Variants in NEDD4 observed in about 807,000 individuals in gnomAD.
NEDD4 encodes NEDD4 E3 ubiquitin protein ligase, also known as E3 ubiquitin-protein ligase NEDD4.
In NEDD4, 99 loss-of-function variants were observed where a neutral mutation model predicts 144.9. That is an observed-to-expected ratio of 0.68 (90% CI 0.58 to 0.81). The LOEUF is 0.81. Among genes scored for constraint, NEDD4 ranks in the 30% least tolerant of loss-of-function variants. The pLI is 0.00. For missense variants in NEDD4, 985 were observed against 1,065.9 expected (o/e 0.92, Z 1.06); for synonymous variants, 318 against 350.6 (o/e 0.91, Z 1.04).
At chr15:55,934,737 T>A (rs1477329813) in intron 4 of NEDD4, 3 of 151,660 alleles carry the variant, frequency 2.0e-5, no homozygotes, top group African/African-American at 7.3e-5. Context: ...GTTTCTTAGG[T>A]CCTTCCAGAA....
At chr15:55,989,925 G>A (rs1112535) in intron 1 of NEDD4, among the ~76,000 whole-genome samples, 7 of 151,926 alleles carry the variant, frequency 4.6e-5, no homozygotes, top group African/African-American at 1.2e-4. Flanking sequence ...CATTACCTCC[G>A]GAGCTCTGCT....
intron 1 of NEDD4, among the ~76,000 whole-genome samples, chr15:55,971,624 C>CAA (rs59537454): frequency 4.8e-4 from 60 of 124,642 alleles, no homozygotes; most frequent in African/African-American, 1.6e-3. Flanking sequence ...GACTCTGTCT[C>CAA]AAAAAAAAAA....
chr15:55,939,125 A>AACAAACAC (rs2036948024), intron 4 of NEDD4, among the ~76,000 whole-genome samples: 1 of 151,090 alleles, frequency 6.6e-6, no homozygotes, highest in East Asian at 1.9e-4. Context: ...AACAACAACA[A>AACAAACAC]ACAAAAAAAC....
At chr15:55,993,172 G>C (rs1411599204) in intron 1 of NEDD4, among the ~76,000 whole-genome samples, 1 of 152,220 alleles carries the variant, frequency 6.6e-6, no homozygotes, top group African/African-American at 2.4e-5. Flanking sequence ...CCCGGCGGGG[G>C]TGGCAGGAAG....
At chr15:55,910,146 C>G (rs1292617699) in intron 5 of NEDD4, among the ~76,000 whole-genome samples, 1 of 152,160 alleles carries the variant, frequency 6.6e-6, no homozygotes, top group Non-Finnish European at 1.5e-5. Flanking sequence ...CATCTTATAT[C>G]CACTTCACAT....
intron 4 of NEDD4, chr15:55,934,599 A>G (rs1368635957): frequency 4.6e-5 from 7 of 152,078 alleles, no homozygotes; most frequent in African/African-American, 1.7e-4. Context: ...AGTTTAATCA[A>G]TAAATATAAA....
chr15:55,978,700 A>G (rs1024758828), intron 1 of NEDD4, among the ~76,000 whole-genome samples: 2 of 152,238 alleles, frequency 1.3e-5, no homozygotes, highest in East Asian at 3.8e-4. Context: ...ACTCATGAGT[A>G]AAGAGAGCTT....
intron 26 of NEDD4, among the ~76,000 whole-genome samples, chr15:55,833,748 T>C (rs957341250): frequency 1.2e-4 from 18 of 152,336 alleles, no homozygotes; most frequent in African/African-American, 3.6e-4. Context: ...TCCCTAGGAA[T>C]ACCCTGCAGG....
At position 55,864,656 on chromosome 15, in the gene NEDD4, T is replaced by C. The variant is rs192935939; in HGVS notation, c.508-1577A>G. Among the ~76,000 whole-genome samples, 433 of 143,230 alleles carry C rather than the reference T, an allele frequency of 3.0e-3. 8 individuals carry two copies. The highest frequency in any genetic ancestry group is 0.027 in the Admixed American group (376 of 13,822). The allele number at this position is 143,230 out of a possible 152,430, so 94.0% of individuals were successfully genotyped here. ...GAAATCACGCCATTGCACTCCAGCC[T>C]GGACAACAAGAGTGAAACTCTGTCT... On this transcript the variant is annotated intron_variant, in intron 8 of 28. Transcript: ENST00000435532.
chr15:55,911,512 T>C (rs1182240899), intron 5 of NEDD4, among the ~76,000 whole-genome samples: 2 of 151,920 alleles, frequency 1.3e-5, no homozygotes, highest in Non-Finnish European at 2.9e-5. Context: ...ATTTAGCACA[T>C]CACATATTAG....
intron 7 of NEDD4, among the ~76,000 whole-genome samples, chr15:55,872,182 T>C (rs2034825056): frequency 6.6e-6 from 1 of 152,048 alleles, no homozygotes; most frequent in Non-Finnish European, 1.5e-5. Flanking sequence ...GAACGAATCT[T>C]TCCCAAAAGG....
chr15:55,837,715 G>A (rs2033277246), intron 24 of NEDD4, 74 bp downstream of exon 24: 1 of 998,342 alleles, frequency 1.0e-6, no homozygotes, highest in Non-Finnish European at 1.5e-6. Context: ...TCTCAGATGT[G>A]ATGAGGCCTA....
intron 4 of NEDD4, among the ~76,000 whole-genome samples, chr15:55,939,087 T>C (rs1222464223): frequency 3.3e-5 from 5 of 149,770 alleles, no homozygotes; most frequent in East Asian, 2.0e-4. Flanking sequence ...ACCTGGATAA[T>C]AGAGTGAGAC....
intron 11 of NEDD4, among the ~76,000 whole-genome samples, chr15:55,860,058 C>G (rs758744671): frequency 6.6e-6 from 1 of 152,160 alleles, no homozygotes; most frequent in Non-Finnish European, 1.5e-5. Context: ...CTAACAGGAG[C>G]CCAAATCCCT....
chr15:55,957,837 C>G (rs567961971), intron 2 of NEDD4, among the ~76,000 whole-genome samples: 2 of 152,252 alleles, frequency 1.3e-5, no homozygotes, highest in East Asian at 1.9e-4. Flanking sequence ...ATGGGTGAAG[C>G]TGGAAACCAT....
At chr15:55,941,788 G>T (rs1245370164) in intron 4 of NEDD4, among the ~76,000 whole-genome samples, 1 of 152,046 alleles carries the variant, frequency 6.6e-6, no homozygotes, top group African/African-American at 2.4e-5. Context: ...GGTCAGGCTT[G>T]TCTCAAATTC....
At chr15:55,934,012 G>C (rs1206534125) in intron 4 of NEDD4, among the ~76,000 whole-genome samples, 1 of 152,152 alleles carries the variant, frequency 6.6e-6, no homozygotes, top group Non-Finnish European at 1.5e-5. Flanking sequence ...AATTAGCTGG[G>C]TGTGGTGGCA....
intron 2 of NEDD4, among the ~76,000 whole-genome samples, chr15:55,956,506 T>C (rs1464216468): frequency 2.6e-5 from 4 of 152,224 alleles, no homozygotes; most frequent in Non-Finnish European, 5.9e-5. Flanking sequence ...TACAGACCAG[T>C]TGTTCTAGTA....
chr15:55,929,669 G>C (rs2036742920), intron 4 of NEDD4, among the ~76,000 whole-genome samples: 1 of 152,084 alleles, frequency 6.6e-6, no homozygotes, highest in Non-Finnish European at 1.5e-5. Flanking sequence ...ATTGTTAAAT[G>C]TTTATGCATT....
Sources: gnomAD v4.1 joint callset for allele counts (sites outside exome capture counted in the v4.1 genomes callset) on GRCh38, gnomAD v4.1.1 for gene constraint, MANE v1.5 for transcripts, NCBI Gene and HGNC (gene_info 2026-07-23, HGNC 2026-07-21) for gene names.